The following EXOC6 variants were observed in gnomAD, a reference collection of about 807,000 sequenced individuals.
EXOC6 encodes exocyst complex component 6, also known as SEC15-like 1.
In EXOC6, 60 loss-of-function variants were observed where a neutral mutation model predicts 112.5. The observed-to-expected ratio is 0.53, with a 90% CI of 0.43 to 0.66. The LOEUF is 0.66. EXOC6 is among the 30% of genes least tolerant of loss of function. EXOC6 has a pLI of 0.00. For missense variants in EXOC6, 855 were observed against 957.1 expected (o/e 0.89, Z 1.41); for synonymous variants, 295 against 308.0 (o/e 0.96, Z 0.44).
intron 18 of EXOC6, among the ~76,000 whole-genome samples, chr10:92,982,638 A>G (rs906482537): frequency 2.6e-5 from 4 of 152,244 alleles, no homozygotes; most frequent in African/African-American, 9.6e-5. Flanking sequence ...TATATGCTCA[A>G]TAATAAGATT....
chr10:92,850,137 T>G (rs1415709668), intron 1 of EXOC6, among the ~76,000 whole-genome samples: 1 of 152,206 alleles, frequency 6.6e-6, no homozygotes, highest in Non-Finnish European at 1.5e-5. Context: ...ACTAGAGTAG[T>G]TTATTTGTGA....
intron 20 of EXOC6, among the ~76,000 whole-genome samples, chr10:93,039,067 C>T (rs1291567169): frequency 1.3e-5 from 2 of 151,938 alleles, no homozygotes; most frequent in Non-Finnish European, 2.9e-5. Flanking sequence ...GCCTGTAATC[C>T]CAGCACTTTG....
At chr10:92,846,094 G>A (rs760368109), upstream of EXOC6, among the ~76,000 whole-genome samples, 9 of 152,224 alleles carry the variant, frequency 5.9e-5, no homozygotes, top group Non-Finnish European at 8.8e-5. Flanking sequence ...GTGGTAAATG[G>A]ACTTCCTTCC....
upstream of EXOC6, among the ~76,000 whole-genome samples, chr10:92,832,426 C>T (rs148345949): frequency 0.021 from 3,257 of 151,986 alleles, 116 homozygotes; most frequent in African/African-American, 0.075. Context: ...TACAGGCGTC[C>T]GCCACCACAG....
chr10:93,029,616 T>G (rs1210363389), intron 20 of EXOC6, among the ~76,000 whole-genome samples: 1 of 152,236 alleles, frequency 6.6e-6, no homozygotes, highest in Non-Finnish European at 1.5e-5. Flanking sequence ...TGTCTTTTGA[T>G]GAGGAGAAGT....
intron 14 of EXOC6, among the ~76,000 whole-genome samples, chr10:92,950,277 A>G (rs1052282209): frequency 2.0e-5 from 3 of 152,170 alleles, no homozygotes; most frequent in Non-Finnish European, 4.4e-5. Flanking sequence ...GAAAATATAT[A>G]AAACTATCAA....
At chr10:92,997,397 AT>A in intron 18 of EXOC6, 76 bp from the exon 19 acceptor site, 2 of 1,367,658 alleles carry the variant, frequency 1.5e-6, no homozygotes, top group South Asian at 1.5e-5. Context: ...TGCCAGGTGT[AT>A]GATTTTTCTG....
chr10:92,922,601 A>G (rs1851508299), intron 8 of EXOC6, among the ~76,000 whole-genome samples: 1 of 152,224 alleles, frequency 6.6e-6, no homozygotes, highest in Non-Finnish European at 1.5e-5. Context: ...AAATATGAGT[A>G]TTCCATGAAA....
intron 4 of EXOC6, among the ~76,000 whole-genome samples, chr10:92,899,050 T>G (rs1022542547): frequency 1.3e-5 from 2 of 152,174 alleles, no homozygotes; most frequent in African/African-American, 4.8e-5. Flanking sequence ...TAAAGATGCT[T>G]TGTTATGTTT....
chr10:92,845,089 C>CCTG (rs1846999719), upstream of EXOC6, among the ~76,000 whole-genome samples: 1 of 152,216 alleles, frequency 6.6e-6, no homozygotes, highest in African/African-American at 2.4e-5. Context: ...CATCTCCTGT[C>CCTG]CTGCTGGTCT....
At chr10:93,033,647 A>C (rs74151805) in intron 20 of EXOC6, among the ~76,000 whole-genome samples, 5,414 of 152,310 alleles carry the variant, frequency 0.036, 184 homozygotes, top group East Asian at 0.13. Context: ...CAATATGTAA[A>C]TAAATTAAGC....
chr10:92,964,247 A>T (rs539915508), intron 17 of EXOC6, among the ~76,000 whole-genome samples: 17 of 148,628 alleles, frequency 1.1e-4, no homozygotes, highest in East Asian at 3.8e-4. Flanking sequence ...ATATATTTTT[A>T]AAAAATTATA....
chr10:92,880,293 G>A (rs904194257), intron 1 of EXOC6, among the ~76,000 whole-genome samples: 25 of 152,206 alleles, frequency 1.6e-4, no homozygotes, highest in African/African-American at 6.0e-4. Context: ...TATTGGATAG[G>A]GAATAATGGC....
chr10:92,927,453 T>G (rs112460801), intron 8 of EXOC6, among the ~76,000 whole-genome samples: 2 of 152,210 alleles, frequency 1.3e-5, no homozygotes, highest in African/African-American at 4.8e-5. Context: ...TCTAATAGAG[T>G]GAGGTAGTAA....
chr10:92,930,494 ACT>A (rs1851965961), intron 9 of EXOC6, among the ~76,000 whole-genome samples: 1 of 143,110 alleles, frequency 7.0e-6, no homozygotes, highest in African/African-American at 2.7e-5. Context: ...CAAGAGTGAG[ACT>A]CTGTCTCAAA....
intron 6 of EXOC6, among the ~76,000 whole-genome samples, chr10:92,909,847 A>G (rs1850642062): frequency 6.6e-6 from 1 of 152,138 alleles, no homozygotes; most frequent in African/African-American, 2.4e-5. Flanking sequence ...TGAATTCTTT[A>G]GTTACTGCCC....
intron 20 of EXOC6, among the ~76,000 whole-genome samples, chr10:93,030,670 A>G (rs1196621136): frequency 6.6e-6 from 1 of 152,224 alleles, no homozygotes; most frequent in African/African-American, 2.4e-5. Flanking sequence ...GTATGCAGAG[A>G]AAGTATGCAG....
At chr10:92,955,388 G>GTA (rs199547769) in intron 16 of EXOC6, among the ~76,000 whole-genome samples, 192 bp from the exon 17 acceptor site, 8,883 of 147,586 alleles carry the variant, frequency 0.06, 603 homozygotes, top group African/African-American at 0.17. Context: ...GTGTGTGTGT[G>GTA]TATATATATA....
intron 17 of EXOC6, among the ~76,000 whole-genome samples, chr10:92,962,901 A>G (rs1854092290): frequency 6.6e-6 from 1 of 152,120 alleles, no homozygotes; most frequent in African/African-American, 2.4e-5. Context: ...TTTAGATGAG[A>G]CTTAAACTCT....
Sources: allele counts gnomAD v4.1 joint callset (sites outside exome capture counted in the v4.1 genomes callset), GRCh38; gene constraint gnomAD v4.1.1; transcripts MANE v1.5; gene names NCBI Gene and HGNC (gene_info 2026-07-23, HGNC 2026-07-21).